Variants in SEMA3A observed in about 807,000 individuals in gnomAD.
SEMA3A encodes semaphorin 3A.
A neutral mutation model predicts 97.9 loss-of-function variants in SEMA3A; 29 were observed. That is an observed-to-expected ratio of 0.30 (90% CI 0.22 to 0.40). SEMA3A has a LOEUF of 0.40. SEMA3A is among the 10% of genes least tolerant of loss of function. The probability of loss-of-function intolerance (pLI) is 1.00; values close to 1 mark genes in which losing one functional copy is unlikely to be tolerated. For missense variants in SEMA3A, 763 were observed against 951.3 expected (o/e 0.80, Z 2.60); for synonymous variants, 321 against 323.7 (o/e 0.99, Z 0.09).
intron 3 of SEMA3A, among the ~76,000 whole-genome samples, chr7:84,232,312 G>A (rs991904163): frequency 1.4e-5 from 2 of 148,054 alleles, no homozygotes; most frequent in Non-Finnish European, 3.0e-5. Flanking sequence ...TTGCAACTAA[G>A]GTCATATTTT....
intron 4 of SEMA3A, among the ~76,000 whole-genome samples, chr7:84,109,081 C>G (rs1191313731): frequency 2.0e-5 from 3 of 152,008 alleles, no homozygotes; most frequent in Non-Finnish European, 2.9e-5. Flanking sequence ...AGACAATCAC[C>G]TTGGGCCCAA....
chr7:84,310,062 C>T (rs925342863), intron 2 of SEMA3A, among the ~76,000 whole-genome samples: 10 of 152,006 alleles, frequency 6.6e-5, no homozygotes, highest in Non-Finnish European at 8.8e-5. Context: ...ACATAAGCTA[C>T]GTTAAGTATA....
chr7:83,977,892 C>T (rs1242488935), intron 14 of SEMA3A, among the ~76,000 whole-genome samples: 2 of 151,334 alleles, frequency 1.3e-5, no homozygotes, highest in Non-Finnish European at 1.5e-5. Flanking sequence ...CAAGCTCCGC[C>T]TCCCGGGTTC....
In SEMA3A at chr7:84,039,580, T is replaced by A. The variant is rs191959248; in HGVS notation, c.667+6744A>T. Among the ~76,000 whole-genome samples the A allele has an allele frequency of 3.9e-5, 6 of 152,110 alleles. No individual in the cohort carries two copies. The East Asian group carries it at 1.2e-3, about 29-fold the overall frequency. ...ATGGTAGAGTTTAATATTGGAGAGG[T>A]CACTTAGGATTAGATGATAAAGGAC... On this transcript the variant is annotated intron_variant, in intron 6 of 16. Transcript: ENST00000265362.
At chr7:84,284,135 G>A (rs1034227324) in intron 3 of SEMA3A, among the ~76,000 whole-genome samples, 12 of 152,102 alleles carry the variant, frequency 7.9e-5, no homozygotes, top group African/African-American at 2.9e-4. Context: ...AAGGAAATGA[G>A]ATGACTAATT....
At chr7:84,063,468 T>C (rs1207452693) in intron 4 of SEMA3A, among the ~76,000 whole-genome samples, 6 of 151,340 alleles carry the variant, frequency 4.0e-5, no homozygotes, top group Non-Finnish European at 8.8e-5. Context: ...ATCAAATTAC[T>C]CTGAGCTACG....
intron 1 of SEMA3A, among the ~76,000 whole-genome samples, chr7:84,483,816 G>A (rs1806504848): frequency 1.3e-5 from 2 of 151,880 alleles, no homozygotes; most frequent in South Asian, 4.1e-4. Context: ...AGGCTGAGGT[G>A]GGCAGATCAC....
chr7:84,302,556 T>C (rs1178639014), intron 3 of SEMA3A, among the ~76,000 whole-genome samples: 1 of 152,170 alleles, frequency 6.6e-6, no homozygotes, highest in Non-Finnish European at 1.5e-5. Context: ...AAGTGCTATA[T>C]TAGATGTGTA....
upstream of SEMA3A, chr7:84,195,111 C>A (rs538833292): frequency 6.6e-6 from 1 of 151,834 alleles, no homozygotes; most frequent in African/African-American, 2.4e-5. Flanking sequence ...ACACAAGATC[C>A]CACAGACAGG....
chr7:84,070,029 G>A (rs1433600753), intron 4 of SEMA3A, among the ~76,000 whole-genome samples: 1 of 152,130 alleles, frequency 6.6e-6, no homozygotes, highest in Non-Finnish European at 1.5e-5. Context: ...TTTTGGAAGA[G>A]TGTGAAATAG....
intron 2 of SEMA3A, among the ~76,000 whole-genome samples, chr7:84,366,818 G>T (rs746580340): frequency 1.5e-4 from 23 of 151,266 alleles, no homozygotes; most frequent in Non-Finnish European, 2.8e-4. Context: ...GTGGTAAATT[G>T]CTATTCCAAC....
chr7:84,412,319 T>A (rs780577639), intron 1 of SEMA3A, among the ~76,000 whole-genome samples: 4 of 152,034 alleles, frequency 2.6e-5, no homozygotes, highest in Non-Finnish European at 4.4e-5. Flanking sequence ...TCTCTAATTA[T>A]GACCTACACA....
chr7:84,108,539 G>C (rs766212361), intron 4 of SEMA3A, among the ~76,000 whole-genome samples: 28 of 152,164 alleles, frequency 1.8e-4, no homozygotes, highest in Non-Finnish European at 3.5e-4. Flanking sequence ...TCCACAGCTA[G>C]TAAGTTGTAG....
chr7:84,480,830 G>A (rs1214725445), intron 1 of SEMA3A, among the ~76,000 whole-genome samples: 1 of 152,124 alleles, frequency 6.6e-6, no homozygotes, highest in African/African-American at 2.4e-5. Flanking sequence ...GTAGCAGTGA[G>A]TATTAAATAG....
chr7:84,288,048 A>G (rs936939815), intron 3 of SEMA3A, among the ~76,000 whole-genome samples: 2 of 152,184 alleles, frequency 1.3e-5, no homozygotes, highest in Non-Finnish European at 2.9e-5. Context: ...TGCTTCAGGA[A>G]ATAGATACTT....
chr7:84,130,176 A>G (rs1795923352), intron 2 of SEMA3A, among the ~76,000 whole-genome samples: 1 of 152,140 alleles, frequency 6.6e-6, no homozygotes, highest in African/African-American at 2.4e-5. Flanking sequence ...AAAAACAGAA[A>G]TGATGGCACT....
intron 3 of SEMA3A, among the ~76,000 whole-genome samples, chr7:84,201,338 A>G (rs1284684483): frequency 6.6e-6 from 1 of 152,244 alleles, no homozygotes; most frequent in East Asian, 1.9e-4. Context: ...TATAATGGCA[A>G]AATCAACTGT....
At chr7:84,247,691 C>T (rs997808716) in intron 3 of SEMA3A, among the ~76,000 whole-genome samples, 1 of 152,110 alleles carries the variant, frequency 6.6e-6, no homozygotes, top group Non-Finnish European at 1.5e-5. Flanking sequence ...TTAATAAACT[C>T]AATGATCCAC....
intron 12 of SEMA3A, among the ~76,000 whole-genome samples, chr7:83,993,387 G>A (rs183542086): frequency 2.2e-3 from 329 of 150,348 alleles, no homozygotes; most frequent in African/African-American, 7.8e-3. Flanking sequence ...TTGCTCGTTA[G>A]TTGATGCAGT....
Sources: gnomAD v4.1 joint callset for allele counts (sites outside exome capture counted in the v4.1 genomes callset) on GRCh38, gnomAD v4.1.1 for gene constraint, MANE v1.5 for transcripts, NCBI Gene and HGNC (gene_info 2026-07-23, HGNC 2026-07-21) for gene names.